Variants in PLCB1 observed in about 807,000 individuals in gnomAD.
PLCB1 encodes 1-phosphatidylinositol 4,5-bisphosphate phosphodiesterase beta-1.
Under a neutral mutation model 161.8 loss-of-function variants are expected in PLCB1, and 46 were observed. That is an observed-to-expected ratio of 0.28 (90% CI 0.22 to 0.36). The LOEUF (loss-of-function observed/expected upper bound fraction) is 0.36. PLCB1 is among the 10% of genes least tolerant of loss of function. The pLI is 1.00. For missense variants in PLCB1, 1,016 were observed against 1,472.5 expected (o/e 0.69, Z 5.07); for synonymous variants, 517 against 503.7 (o/e 1.03, Z -0.35).
At chr20:8,681,067 T>G (rs1990196337) in intron 9 of PLCB1, among the ~76,000 whole-genome samples, 1 of 101,116 alleles carries the variant, frequency 9.9e-6, no homozygotes. Context: ...TATGTATATA[T>G]GTGTGTATAT....
chr20:8,406,620 G>A (rs1161968895), intron 3 of PLCB1, among the ~76,000 whole-genome samples: 1 of 152,100 alleles, frequency 6.6e-6, no homozygotes, highest in African/African-American at 2.4e-5. Context: ...GCAGCAAAAG[G>A]TCATTCCATC....
intron 2 of PLCB1, among the ~76,000 whole-genome samples, chr20:8,156,184 T>G (rs2051559518): frequency 6.6e-6 from 1 of 152,172 alleles, no homozygotes; most frequent in South Asian, 2.1e-4. Context: ...TGCCCAGAAG[T>G]TCCTGGCAAT....
intron 2 of PLCB1, among the ~76,000 whole-genome samples, chr20:8,222,010 G>A (rs1051862247): frequency 2.0e-5 from 3 of 152,094 alleles, no homozygotes; most frequent in Non-Finnish European, 4.4e-5. Context: ...TAGAAATCAT[G>A]CAATCATAGA....
At chr20:8,509,729 CATAGATAGATAGATAG>C (rs11468649) in intron 3 of PLCB1, among the ~76,000 whole-genome samples, 1,642 of 148,006 alleles carry the variant, frequency 0.011, 12 homozygotes, top group African/African-American at 0.017. Flanking sequence ...ATAGGCAGAT[CATAGATAGATAGATAG>C]ATAGATAGAT....
At chr20:8,764,156 G>A (rs901525918) in intron 25 of PLCB1, among the ~76,000 whole-genome samples, 11 of 152,178 alleles carry the variant, frequency 7.2e-5, no homozygotes, top group Non-Finnish European at 8.8e-5. Context: ...AACAGAGCAA[G>A]ACTCTGTCTC....
chr20:8,227,303 C>T (rs538191164), intron 2 of PLCB1, among the ~76,000 whole-genome samples: 6 of 152,230 alleles, frequency 3.9e-5, no homozygotes, highest in East Asian at 1.9e-4. Context: ...TAGGATGGTG[C>T]GGCTTTGCCT....
At chr20:8,822,678 T>G (rs1985493762) in intron 31 of PLCB1, among the ~76,000 whole-genome samples, 1 of 152,302 alleles carries the variant, frequency 6.6e-6, no homozygotes, top group African/African-American at 2.4e-5. Flanking sequence ...GATTAGTTGG[T>G]TAAACAATAG....
intron 3 of PLCB1, among the ~76,000 whole-genome samples, chr20:8,454,530 G>C (rs1413012567): frequency 6.6e-6 from 1 of 152,148 alleles, no homozygotes; most frequent in Non-Finnish European, 1.5e-5. Context: ...TGGAGATGAA[G>C]CTGACTGAAT....
At chr20:8,254,214 A>G (rs997952072) in intron 2 of PLCB1, among the ~76,000 whole-genome samples, 1 of 151,930 alleles carries the variant, frequency 6.6e-6, no homozygotes, top group Admixed American at 6.6e-5. Flanking sequence ...GAAGTCATCT[A>G]GTAGACTTTT....
At chr20:8,714,475 G>C (rs1979194313) in intron 12 of PLCB1, among the ~76,000 whole-genome samples, 2 of 152,114 alleles carry the variant, frequency 1.3e-5, no homozygotes, top group Admixed American at 1.3e-4. Context: ...GGGATGCCCG[G>C]GGCTGGCCCT....
chr20:8,733,272 A>G lies in PLCB1; in HGVS notation c.1923A>G (p.Glu641=), dbSNP rs751738226. ...TGCAAATAAATATGGGGATGTATGA[A>G]TACAACGGGAAGAGTGGCTACAGAT... ...LAMQINMGMY[E]YNGKSGYRLK... The change falls in exon 19 of 32, where the codon GAA becomes GAG. Residue 641 remains glutamate, a synonymous_variant. Transcript: ENST00000338037. 1.9e-6 allele frequency: 3 copies of G among 1,614,038 alleles called. No individual in the cohort carries two copies. In the East Asian group the frequency reaches 6.7e-5, roughly 36 times the overall value.
rs75661339 is a variant in PLCB1, at chr20:8,730,110, A to G, written c.1888+936A>G. Reference sequence around the variant, plus strand: ...ATTTATAACAGCACTTTTTATTTAAAGGGTATATTGTCTTTTGTGAAACAG... The same window carrying G: ...ATTTATAACAGCACTTTTTATTTAAGGGGTATATTGTCTTTTGTGAAACAG... On this transcript the variant is annotated intron_variant, in intron 18 of 31. Coordinates refer to ENST00000338037, the MANE Select transcript of PLCB1 (RefSeq NM_015192.4). Among the ~76,000 whole-genome samples, 192 of 152,072 alleles carry G rather than the reference A, an allele frequency of 1.3e-3. 5 individuals carry two copies. The East Asian group carries it at 0.031, about 24-fold the overall frequency.
At chr20:8,250,863 G>C (rs570278562) in intron 2 of PLCB1, among the ~76,000 whole-genome samples, 1 of 151,924 alleles carries the variant, frequency 6.6e-6, no homozygotes, top group Non-Finnish European at 1.5e-5. Flanking sequence ...GAGATGAAAA[G>C]ACATAGTTCC....
intron 2 of PLCB1, among the ~76,000 whole-genome samples, chr20:8,243,741 C>T (rs1980731708): frequency 6.6e-6 from 1 of 151,906 alleles, no homozygotes; most frequent in Admixed American, 6.6e-5. Flanking sequence ...ATATTTTCCT[C>T]CCCAAAACTT....
chr20:8,768,188 C>T (rs1982461733), intron 26 of PLCB1, among the ~76,000 whole-genome samples: 2 of 151,792 alleles, frequency 1.3e-5, no homozygotes, highest in Non-Finnish European at 2.9e-5. Flanking sequence ...CAAAACAAAA[C>T]AAAAAAACAA....
chr20:8,355,762 A>C (rs935019255), intron 2 of PLCB1, among the ~76,000 whole-genome samples: 11 of 152,188 alleles, frequency 7.2e-5, no homozygotes, highest in African/African-American at 2.7e-4. Flanking sequence ...CCATTATAGT[A>C]AGGACTCCTG....
intron 31 of PLCB1, among the ~76,000 whole-genome samples, chr20:8,837,996 T>C (rs998950077): frequency 2.0e-5 from 3 of 152,116 alleles, no homozygotes; most frequent in African/African-American, 7.2e-5. Flanking sequence ...ATCATGGTGT[T>C]CCTGGAAAGT....
chr20:8,230,336 A>T (rs1388830742), intron 2 of PLCB1, among the ~76,000 whole-genome samples: 1 of 152,138 alleles, frequency 6.6e-6, no homozygotes, highest in Non-Finnish European at 1.5e-5. Flanking sequence ...CATGCTTAGA[A>T]TGTGTAATAA....
intron 3 of PLCB1, among the ~76,000 whole-genome samples, chr20:8,493,297 A>G (rs1247716874): frequency 6.6e-6 from 1 of 152,218 alleles, no homozygotes. Context: ...AAACATGAAC[A>G]CTGACTTAAA....
Sources: gnomAD v4.1 joint callset for allele counts (sites outside exome capture counted in the v4.1 genomes callset) on GRCh38, gnomAD v4.1.1 for gene constraint, MANE v1.5 for transcripts, NCBI Gene and HGNC (gene_info 2026-07-23, HGNC 2026-07-21) for gene names.